Variants in PRH1 observed in about 807,000 individuals in gnomAD.
The protein encoded by PRH1 is proline rich protein HaeIII subfamily 1.
Under a neutral mutation model 7.9 loss-of-function variants are expected in PRH1, and 7 were observed. That is an observed-to-expected ratio of 0.89 (90% confidence interval 0.50 to 1.67). PRH1 has a LOEUF of 1.67. Ranked by LOEUF, PRH1 falls within the 40% of genes most tolerant of loss-of-function variation. PRH1 has a pLI of 0.00. For missense variants in PRH1, 109 were observed against 223.6 expected (o/e 0.49, Z 3.27); for synonymous variants, 45 against 80.8 (o/e 0.56, Z 2.38).
At chr12:10,990,315 A>G (rs1303526846) in intron 1 of PRH1, among the ~76,000 whole-genome samples, 1 of 152,186 alleles carries the variant, frequency 6.6e-6, no homozygotes, top group East Asian at 1.9e-4. Flanking sequence ...ACAAAGATCA[A>G]ATCAAGGAGG....
chr12:11,147,183 A>T (rs1248533621), intron 1 of PRH1, among the ~76,000 whole-genome samples: 1 of 152,204 alleles, frequency 6.6e-6, no homozygotes, highest in Non-Finnish European at 1.5e-5. Flanking sequence ...TATGAACATG[A>T]TACATCTCTT....
At chr12:11,037,731 T>A (rs1182773280) in intron 1 of PRH1, among the ~76,000 whole-genome samples, 1 of 152,270 alleles carries the variant, frequency 6.6e-6, no homozygotes, top group African/African-American at 2.4e-5. Flanking sequence ...TCTCTCCTTT[T>A]TTAAAATTAA....
At chr12:10,958,481 A>G (rs1005047795) in intron 2 of PRH1, among the ~76,000 whole-genome samples, 6 of 152,098 alleles carry the variant, frequency 3.9e-5, no homozygotes, top group Admixed American at 2.6e-4. Flanking sequence ...TGACAAAATA[A>G]TCTGTACACA....
chr12:10,911,968 T>G (rs1418648464), intron 2 of PRH1, among the ~76,000 whole-genome samples: 3 of 152,184 alleles, frequency 2.0e-5, no homozygotes, highest in Admixed American at 6.5e-5. Context: ...TATTTTAATT[T>G]GAATATGTAT....
At chr12:10,936,375 C>T (rs1319932326) in intron 2 of PRH1, among the ~76,000 whole-genome samples, 1 of 152,044 alleles carries the variant, frequency 6.6e-6, no homozygotes, top group African/African-American at 2.4e-5. Flanking sequence ...TGCAGTTTTC[C>T]TCCTGAGTTG....
In PRH1 at chr12:10,997,503, C is replaced by T. The variant is rs999501185; in HGVS notation, c.-125-23782G>A. On this transcript the variant is annotated intron_variant, in intron 1 of 3. Transcript: ENST00000539853. ...ACTATCACCAGAACTACACTCTTAG[C>T]CTTCCTTTTTAAGTGATGAAAAATA... 1.9e-6 allele frequency: 3 copies of T among 1,613,780 alleles called. No homozygotes were observed. The African/African-American group carries it at 4.0e-5, about 22-fold the overall frequency.
At chr12:11,107,029 AAGAC>A (rs1945442985) in intron 1 of PRH1, among the ~76,000 whole-genome samples, 1 of 152,102 alleles carries the variant, frequency 6.6e-6, no homozygotes, top group South Asian at 2.1e-4. Flanking sequence ...GGGAGCGAGA[AAGAC>A]AGGGTCTTAC....
In PRH1 at chr12:11,077,722, A is replaced by G; in HGVS notation, n.124-30534T>C. 2 of 1,198,600 alleles carry G rather than the reference A, an allele frequency of 1.7e-6. 1 individual carries two copies. The highest frequency in any genetic ancestry group is 2.4e-6 in the Non-Finnish European group (2 of 825,356). The allele number at this position is 1,198,600 out of a possible 1,614,324, so 74.2% of individuals were successfully genotyped here. The stretch of plus-strand genomic sequence containing the variant: ...TAGTGTGCTTACAGTCAAGTTTGAA[A>G]GGTGTATTGCATTCCTCAATTTGAT... On this transcript the variant is annotated intron_variant and non_coding_transcript_variant, in intron 1 of 4. Coordinates refer to the PRH1 transcript ENST00000541977.
At chr12:11,171,434 C>G in exon 1 of PRH1, 2 of 1,232,088 alleles carry the variant, frequency 1.6e-6, no homozygotes, top group Non-Finnish European at 1.0e-6. Context: ...CGTACGGCGT[C>G]TTCTGCAAGG....
chr12:11,030,646 A>C, intron 1 of PRH1: 1 of 1,614,220 alleles, frequency 6.2e-7, no homozygotes, highest in South Asian at 1.1e-5. Flanking sequence ...AAAAGATCAC[A>C]GTTTGCAAAG....
intron 2 of PRH1, among the ~76,000 whole-genome samples, chr12:10,903,178 A>G (rs1949747429): frequency 1.3e-5 from 2 of 152,128 alleles, no homozygotes; most frequent in Non-Finnish European, 2.9e-5. Flanking sequence ...TGTAACACAA[A>G]TAGAAAAGAA....
intron 1 of PRH1, among the ~76,000 whole-genome samples, chr12:10,994,848 C>T (rs562754529): frequency 2.0e-5 from 3 of 151,986 alleles, no homozygotes; most frequent in Non-Finnish European, 4.4e-5. Flanking sequence ...GCTAGAAATA[C>T]CACAATATAA....
chr12:10,914,996 C>T (rs1418387396), intron 2 of PRH1, among the ~76,000 whole-genome samples: 8 of 152,094 alleles, frequency 5.3e-5, no homozygotes, highest in South Asian at 2.1e-4. Flanking sequence ...GGCATGGTGG[C>T]GGGCACCTGT....
intron 1 of PRH1, among the ~76,000 whole-genome samples, chr12:11,064,033 T>A (rs984346755): frequency 2.0e-5 from 3 of 152,074 alleles, no homozygotes; most frequent in African/African-American, 4.8e-5. Flanking sequence ...CCGCAGTGTA[T>A]CATAAACATT....
intron 1 of PRH1, among the ~76,000 whole-genome samples, chr12:11,011,331 G>A (rs1038242924): frequency 6.6e-6 from 1 of 152,032 alleles, no homozygotes. Flanking sequence ...GCACCAGGGT[G>A]TGCTAATGGA....
intron 1 of PRH1, among the ~76,000 whole-genome samples, chr12:11,059,007 AC>A (rs1943479514): frequency 1.3e-5 from 2 of 152,264 alleles, no homozygotes; most frequent in Middle Eastern, 3.4e-3. Flanking sequence ...ATGGAACACC[AC>A]ACTGTGGGCA....
chr12:11,046,924 T>C (rs1942920786), intron 1 of PRH1: 2 of 435,224 alleles, frequency 4.6e-6, no homozygotes, highest in Non-Finnish European at 1.0e-5. Flanking sequence ...CATCCGGAGA[T>C]GATACATTTG....
chr12:10,957,594 G>C (rs1008012583), intron 2 of PRH1, among the ~76,000 whole-genome samples: 1 of 152,096 alleles, frequency 6.6e-6, no homozygotes, highest in Non-Finnish European at 1.5e-5. Context: ...AAGAGCTTCT[G>C]CACAAGAAAA....
At chr12:11,105,405 G>A (rs553295940) in intron 1 of PRH1, among the ~76,000 whole-genome samples, 20 of 152,072 alleles carry the variant, frequency 1.3e-4, no homozygotes, top group Non-Finnish European at 2.5e-4. Context: ...TGAATTTGCA[G>A]GAATGTCCTT....
Sources: gnomAD v4.1 joint callset for allele counts (sites outside exome capture counted in the v4.1 genomes callset) on GRCh38, gnomAD v4.1.1 for gene constraint, MANE v1.5 for transcripts, NCBI Gene and HGNC (gene_info 2026-07-23, HGNC 2026-07-21) for gene names.